Variants in SEMA3E observed in about 807,000 individuals in gnomAD.
SEMA3E encodes the protein semaphorin 3E.
SEMA3E carries 49 observed loss-of-function variants against 93.6 expected under a neutral mutation model. The observed-to-expected ratio is 0.52, with a 90% CI of 0.42 to 0.66. The LOEUF (loss-of-function observed/expected upper bound fraction) is 0.66. Ranked by LOEUF, SEMA3E falls within the 30% of genes least tolerant of loss-of-function variation. SEMA3E has a pLI of 0.00. For missense variants in SEMA3E, 906 were observed against 964.8 expected (o/e 0.94, Z 0.81); for synonymous variants, 363 against 330.7 (o/e 1.10, Z -1.06).
chr7:83,492,020 G>A (rs1790394786), intron 1 of SEMA3E, among the ~76,000 whole-genome samples: 1 of 151,924 alleles, frequency 6.6e-6, no homozygotes, highest in South Asian at 2.1e-4. Context: ...TTTATATCAG[G>A]GCTGCCAAGT....
intron 4 of SEMA3E, among the ~76,000 whole-genome samples, chr7:83,463,440 C>T (rs371578327): frequency 8.5e-5 from 13 of 152,234 alleles, no homozygotes; most frequent in East Asian, 1.9e-4. Context: ...ACTTTCTGCT[C>T]CCCGGCTCCT....
chr7:83,584,525 A>G lies in SEMA3E; in HGVS notation c.115+63903T>C, dbSNP rs184680174. ...ATTTCTCAGTCAGTTTGTATACTGG[A>G]AAATTTTAATAGGTGGTGTTGGATG... is the stretch of plus-strand genomic sequence containing the variant. On this transcript the variant is annotated intron_variant, in intron 1 of 16. Transcript: ENST00000643230. Among the ~76,000 whole-genome samples, 34 of 152,288 alleles carry G rather than the reference A, an allele frequency of 2.2e-4. No homozygotes were observed. The East Asian group carries it at 5.8e-3, about 26-fold the overall frequency.
intron 1 of SEMA3E, among the ~76,000 whole-genome samples, chr7:83,581,755 A>C (rs1792522712): frequency 6.6e-6 from 1 of 152,032 alleles, no homozygotes; most frequent in Non-Finnish European, 1.5e-5. Context: ...CTGCTACTGG[A>C]GTCAGAGTAT....
intron 6 of SEMA3E, among the ~76,000 whole-genome samples, chr7:83,407,622 T>C (rs1788355516): frequency 6.6e-6 from 1 of 152,104 alleles, no homozygotes; most frequent in Non-Finnish European, 1.5e-5. Flanking sequence ...TAAGTATAAG[T>C]AACATATTAA....
At chr7:83,485,390 G>T (rs1308938966) in intron 2 of SEMA3E, among the ~76,000 whole-genome samples, 1 of 152,066 alleles carries the variant, frequency 6.6e-6, no homozygotes, top group Non-Finnish European at 1.5e-5. Flanking sequence ...GGGACACAAA[G>T]GGATTTAGGA....
At chr7:83,611,052 C>T (rs956036854) in intron 1 of SEMA3E, among the ~76,000 whole-genome samples, 13 of 151,430 alleles carry the variant, frequency 8.6e-5, no homozygotes, top group Non-Finnish European at 1.9e-4. Flanking sequence ...TGCGGATTTG[C>T]CATTGCTTTC....
At chr7:83,440,026 T>C (rs1476043025) in intron 4 of SEMA3E, among the ~76,000 whole-genome samples, 1 of 152,236 alleles carries the variant, frequency 6.6e-6, no homozygotes, top group Non-Finnish European at 1.5e-5. Flanking sequence ...ATGTTAATTC[T>C]GGTAGGTCCT....
At chr7:83,491,312 T>C (rs1465071157) in intron 1 of SEMA3E, among the ~76,000 whole-genome samples, 1 of 152,092 alleles carries the variant, frequency 6.6e-6, no homozygotes, top group East Asian at 1.9e-4. Flanking sequence ...ACCCTCAAAC[T>C]GTTGATGCCC....
At chr7:83,460,371 T>A (rs969815545) in intron 4 of SEMA3E, among the ~76,000 whole-genome samples, 1 of 151,990 alleles carries the variant, frequency 6.6e-6, no homozygotes, top group African/African-American at 2.4e-5. Context: ...TTCCTTTCAT[T>A]TTCTGGGAGA....
intron 16 of SEMA3E, among the ~76,000 whole-genome samples, chr7:83,382,466 A>G (rs1330042838): frequency 6.6e-6 from 1 of 151,878 alleles, no homozygotes. Context: ...AGATGAAGAA[A>G]ATTATGTCTA....
chr7:83,381,627 A>G (rs930997876), intron 16 of SEMA3E, among the ~76,000 whole-genome samples: 18 of 151,990 alleles, frequency 1.2e-4, no homozygotes, highest in African/African-American at 4.3e-4. Context: ...TCTTCAGAAT[A>G]TAAGTTCTAT....
chr7:83,554,137 G>A (rs886390174), intron 1 of SEMA3E, among the ~76,000 whole-genome samples: 1 of 152,058 alleles, frequency 6.6e-6, no homozygotes, highest in African/African-American at 2.4e-5. Context: ...TATGTATAAT[G>A]AGTTGTTTAC....
intron 1 of SEMA3E, among the ~76,000 whole-genome samples, chr7:83,582,326 T>G (rs1175312281): frequency 6.6e-6 from 1 of 151,620 alleles, no homozygotes; most frequent in Non-Finnish European, 1.5e-5. Context: ...AAATTTAATT[T>G]TTATTTTTAA....
chr7:83,546,002 A>G (rs1279481805), intron 1 of SEMA3E, among the ~76,000 whole-genome samples: 1 of 146,934 alleles, frequency 6.8e-6, no homozygotes. Flanking sequence ...GGGGCATATT[A>G]TATAAAAATA....
chr7:83,504,904 T>C (rs1249333329), intron 1 of SEMA3E, among the ~76,000 whole-genome samples: 1 of 152,190 alleles, frequency 6.6e-6, no homozygotes, highest in Non-Finnish European at 1.5e-5. Flanking sequence ...GCTTCTATTT[T>C]ACAAATTAGA....
At chr7:83,442,366 A>G (rs1305745883) in intron 4 of SEMA3E, among the ~76,000 whole-genome samples, 1 of 152,202 alleles carries the variant, frequency 6.6e-6, no homozygotes, top group East Asian at 1.9e-4. Flanking sequence ...ACATCACTGG[A>G]CTGAAGAGAT....
At chr7:83,609,571 T>C (rs957120062) in intron 1 of SEMA3E, among the ~76,000 whole-genome samples, 1 of 151,980 alleles carries the variant, frequency 6.6e-6, no homozygotes, top group Non-Finnish European at 1.5e-5. Context: ...AAAATTATGC[T>C]ACCCTATTAA....
At chr7:83,595,726 G>A (rs1016442677) in intron 1 of SEMA3E, among the ~76,000 whole-genome samples, 6 of 151,914 alleles carry the variant, frequency 3.9e-5, no homozygotes, top group African/African-American at 1.2e-4. Context: ...TTAGATTGAT[G>A]TAGTGCATTA....
chr7:83,371,550 G>A (rs528305038), intron 16 of SEMA3E: 65 of 152,214 alleles, frequency 4.3e-4, no homozygotes, highest in African/African-American at 1.3e-3. Flanking sequence ...AGCTACAAGC[G>A]TAAGGAATGT....
Sources: allele counts gnomAD v4.1 joint callset (sites outside exome capture counted in the v4.1 genomes callset), GRCh38; gene constraint gnomAD v4.1.1; transcripts MANE v1.5; gene names NCBI Gene and HGNC (gene_info 2026-07-23, HGNC 2026-07-21).